Variants in CSMD1 observed in about 807,000 individuals in gnomAD.
The protein encoded by CSMD1 is CUB and sushi domain-containing protein 1.
A neutral mutation model predicts 417.5 loss-of-function variants in CSMD1; 213 were observed. That is an observed-to-expected ratio of 0.51 (90% CI 0.46 to 0.57). CSMD1 has a LOEUF of 0.57. Ranked by LOEUF, CSMD1 falls within the 20% of genes least tolerant of loss-of-function variation. CSMD1 has a pLI of 0.00. For missense variants in CSMD1, 6,923 were observed against 4,529.7 expected (o/e 1.53, Z -15.17); for synonymous variants, 2,862 against 1,736.8 (o/e 1.65, Z -16.11).
At position 3,396,399 on chromosome 8, in the gene CSMD1, C is replaced by A. The variant is rs1043540131; in HGVS notation, c.2406-18G>T. ...TCTGAAATCTGCAAATATATACATCCCATCAGAAAAGACATGCAGAACTGC... is the reference window on the plus strand; with the variant it reads ...TCTGAAATCTGCAAATATATACATCACATCAGAAAAGACATGCAGAACTGC... On this transcript the variant is annotated intron_variant, in intron 16 of 69. Transcript: ENST00000635120. The A allele has an allele frequency of 2.6e-6, 4 of 1,523,530 alleles. No homozygotes were observed. The highest frequency in any genetic ancestry group is 3.5e-6 in the Non-Finnish European group (4 of 1,133,476). The allele number at this position is 1,523,530 out of a possible 1,614,324, so 94.4% of individuals were successfully genotyped here. A position where few individuals can be genotyped will look rare whatever the true frequency, so the allele number is the denominator to read the frequency against.
At chr8:3,602,993 T>A (rs1801434972) in intron 8 of CSMD1, among the ~76,000 whole-genome samples, 1 of 152,222 alleles carries the variant, frequency 6.6e-6, no homozygotes, top group Non-Finnish European at 1.5e-5. Context: ...TTGAAAAGAC[T>A]GTGTAAGAGA....
chr8:4,012,336 T>C (rs2740947), intron 4 of CSMD1, among the ~76,000 whole-genome samples: 2 of 151,940 alleles, frequency 1.3e-5, no homozygotes, highest in East Asian at 1.9e-4. Context: ...CCAAGATTCA[T>C]TCTCTTCACC....
chr8:3,750,512 G>C (rs895057612), intron 6 of CSMD1, among the ~76,000 whole-genome samples: 1 of 150,696 alleles, frequency 6.6e-6, no homozygotes, highest in Non-Finnish European at 1.5e-5. Flanking sequence ...CTTTTTTTTT[G>C]TTTCGCAATT....
intron 2 of CSMD1, among the ~76,000 whole-genome samples, chr8:4,575,915 A>C (rs925322784): frequency 3.3e-5 from 5 of 152,184 alleles, no homozygotes; most frequent in African/African-American, 4.8e-5. Flanking sequence ...TGATCGTTCC[A>C]GTGTAAATCA....
Position 3,162,164 on chromosome 8 carries a change from G to C in CSMD1, c.5839C>G (p.Leu1947Val). 2 of 1,596,024 alleles carry C rather than the reference G, an allele frequency of 1.3e-6. No homozygotes were observed. The highest frequency in any genetic ancestry group is 1.7e-6 in the Non-Finnish European group (2 of 1,168,092). Residue 1947 changes from leucine (L) to valine (V), a missense_variant, in exon 38 of 70, where the codon CTG becomes GTG. Physicochemically the swap from Leu to Val is conservative, Grantham distance 32. Coordinates refer to ENST00000635120, the MANE Select transcript of CSMD1 (RefSeq NM_033225.6). The part of the protein sequence containing the change: ...LSFQCEPGYT[L>V]QGRSHISCMP... ...AGCACTGAGAAGAAGGATACCTGCA[G>C]GGTGTACCCGGGCTCGCACTGGAAG... is the stretch of plus-strand genomic sequence containing the variant.
chr8:3,928,330 G>T lies in CSMD1; in HGVS notation c.818+69573C>A, dbSNP rs1277258178. Reference sequence around the variant, plus strand: ...AATGTATTTTTCTTTTAATTGCCAGGACTGAGTGGTAAACAAATGATATAT... The same window carrying T: ...AATGTATTTTTCTTTTAATTGCCAGTACTGAGTGGTAAACAAATGATATAT... On this transcript the variant is annotated intron_variant, in intron 5 of 69. Transcript: ENST00000635120. Among the ~76,000 whole-genome samples, 4 of 152,162 alleles carry T rather than the reference G, an allele frequency of 2.6e-5. No homozygotes were observed. The East Asian group carries it at 7.7e-4, about 29-fold the overall frequency.
chr8:3,306,896 A>G (rs180706555), intron 25 of CSMD1, among the ~76,000 whole-genome samples: 188 of 152,240 alleles, frequency 1.2e-3, no homozygotes, highest in Middle Eastern at 6.8e-3. Context: ...ACTCATCATC[A>G]TAACTCAGAA....
chr8:3,921,174 T>C (rs748078632), intron 5 of CSMD1, among the ~76,000 whole-genome samples: 1 of 152,172 alleles, frequency 6.6e-6, no homozygotes, highest in Non-Finnish European at 1.5e-5. Context: ...TTTCTGTTTA[T>C]TTACGATTCA....
At chr8:3,065,718 G>A (rs998191106) in intron 49 of CSMD1, among the ~76,000 whole-genome samples, 2 of 152,088 alleles carry the variant, frequency 1.3e-5, no homozygotes, top group Non-Finnish European at 2.9e-5. Context: ...ATAGATAGGA[G>A]ATAGCCTACA....
Position 3,584,890 on chromosome 8 carries a change from T to A in CSMD1, c.1222+1246A>T, listed in dbSNP as rs73660315. On this transcript the variant is annotated intron_variant, in intron 9 of 69. Coordinates refer to ENST00000635120, the MANE Select transcript of CSMD1 (RefSeq NM_033225.6). ...GCCCTAGTGGGAACATGAATTTTAG[T>A]ACAGCTCTTTGAAGTGCTTAAGGGT... Among the ~76,000 whole-genome samples the A allele has an allele frequency of 7.1e-3, 1,074 of 152,278 alleles. 11 individuals carry two copies. The highest frequency in any genetic ancestry group is 0.025 in the African/African-American group (1,031 of 41,544).
At chr8:4,504,420 G>A (rs1313200331) in intron 2 of CSMD1, among the ~76,000 whole-genome samples, 1 of 152,180 alleles carries the variant, frequency 6.6e-6, no homozygotes, top group Non-Finnish European at 1.5e-5. Flanking sequence ...GCCTACAGCT[G>A]ACAATAGTGG....
chr8:4,945,575 G>A (rs1184441014), intron 1 of CSMD1, among the ~76,000 whole-genome samples: 1 of 151,404 alleles, frequency 6.6e-6, no homozygotes, highest in African/African-American at 2.4e-5. Context: ...ATAAAGACAA[G>A]AATAGCCTCA....
chr8:4,752,058 T>C (rs1022611569), intron 1 of CSMD1, among the ~76,000 whole-genome samples: 6 of 150,628 alleles, frequency 4.0e-5, no homozygotes, highest in Non-Finnish European at 7.4e-5. Flanking sequence ...TATATATTAA[T>C]ACAAAAACAT....
intron 12 of CSMD1, among the ~76,000 whole-genome samples, chr8:3,412,607 G>C (rs973695803): frequency 6.6e-6 from 1 of 152,180 alleles, no homozygotes; most frequent in Non-Finnish European, 1.5e-5. Context: ...ACAAAATGCA[G>C]ATATTTGGTT....
chr8:3,126,544 T>C (rs1817521994), intron 41 of CSMD1, among the ~76,000 whole-genome samples: 1 of 152,216 alleles, frequency 6.6e-6, no homozygotes, highest in African/African-American at 2.4e-5. Context: ...CTCAGTAGCA[T>C]GTCAGCCATG....
chr8:4,943,412 C>G lies in CSMD1; in HGVS notation c.85+50920G>C, dbSNP rs370253420. On this transcript the variant is annotated intron_variant, in intron 1 of 69. Transcript: ENST00000635120. The stretch of plus-strand genomic sequence containing the variant: ...TCGGGAGGCTGAGGCAGGAGAATGG[C>G]GTGAACCCGGGAGGCGGAGCTTGCA... 4.0e-5 allele frequency among the ~76,000 whole-genome samples: 6 copies of G among 151,800 alleles called. No individual in the cohort carries two copies. In the East Asian group the frequency reaches 7.8e-4, roughly 20 times the overall value.
At chr8:3,983,108 G>A (rs1391906225) in intron 5 of CSMD1, among the ~76,000 whole-genome samples, 1 of 149,334 alleles carries the variant, frequency 6.7e-6, no homozygotes, top group Non-Finnish European at 1.5e-5. Flanking sequence ...CTCAGACATC[G>A]TTATGCATCC....
At chr8:4,041,965 A>C (rs894522721) in intron 3 of CSMD1, among the ~76,000 whole-genome samples, 1 of 152,170 alleles carries the variant, frequency 6.6e-6, no homozygotes, top group African/African-American at 2.4e-5. Flanking sequence ...AATGAAACAT[A>C]AAAGAAAAAA....
chr8:3,293,619 T>C (rs1449656012), intron 25 of CSMD1, among the ~76,000 whole-genome samples: 1 of 152,242 alleles, frequency 6.6e-6, no homozygotes, highest in Non-Finnish European at 1.5e-5. Flanking sequence ...TTGATTGTAT[T>C]GGCTACTGAG....
Sources: gnomAD v4.1 joint callset for allele counts (sites outside exome capture counted in the v4.1 genomes callset) on GRCh38, gnomAD v4.1.1 for gene constraint, MANE v1.5 for transcripts, NCBI Gene and HGNC (gene_info 2026-07-23, HGNC 2026-07-21) for gene names.